Variants in AP5Z1 observed in about 807,000 individuals in gnomAD.
The protein encoded by AP5Z1 is AP-5 complex subunit zeta-1.
AP5Z1 carries 106 observed loss-of-function variants against 83.0 expected under a neutral mutation model. The observed-to-expected ratio is 1.28, with a 90% CI of 1.09 to 1.50. The LOEUF (loss-of-function observed/expected upper bound fraction) is 1.50. Ranked by LOEUF, AP5Z1 falls within the 40% of genes most tolerant of loss-of-function variation. The pLI, the probability that AP5Z1 is intolerant of heterozygous loss-of-function variation, is 0.00. For synonymous variants in AP5Z1, 751 were observed against 514.1 expected (o/e 1.46, Z -6.23); for missense variants, 1,565 against 1,094.2 (o/e 1.43, Z -6.07).
intron 11 of AP5Z1, among the ~76,000 whole-genome samples, 173 bp from the exon 12 acceptor site, chr7:4,787,981 C>T (rs1781608589): frequency 6.6e-6 from 1 of 152,168 alleles, no homozygotes. Context: ...GCCCCTGCAC[C>T]CTGGAGTGCC....
chr7:4,787,014 C>T (rs1251114819), intron 10 of AP5Z1, among the ~76,000 whole-genome samples: 1 of 151,946 alleles, frequency 6.6e-6, no homozygotes, highest in Non-Finnish European at 1.5e-5. Flanking sequence ...TCAGATGATC[C>T]TCCTGCCTTG....
Position 4,790,790 on chromosome 7 carries a change from C to T in AP5Z1, c.2056C>T (p.Pro686Ser), listed in dbSNP as rs1197812448. Residue 686 changes from proline (P) to serine (S), a missense_variant, in exon 16 of 17, where the codon CCC becomes TCC. Coordinates refer to ENST00000649063, the MANE Select transcript of AP5Z1 (RefSeq NM_014855.3). ...GCTATTCGAGGTCACCCAGTGCCGC[C>T]CCTCTGCTGCCCTGCCCAGGTGTCC... ...ALLFEVTQCR[P>S]SAALPRCPPQ... 2 of 1,608,958 alleles carry T rather than the reference C, an allele frequency of 1.2e-6. No individual in the cohort carries two copies. Among genetic ancestry groups the T allele is most frequent in the South Asian group, 1.1e-5 (1 of 90,142 alleles).
intron 10 of AP5Z1, 58 bp from the exon 11 acceptor site, chr7:4,787,576 C>T: frequency 1.3e-6 from 2 of 1,519,296 alleles, no homozygotes; most frequent in Non-Finnish European, 1.8e-6. Context: ...TGGCTCCTCC[C>T]TCTGCCGCCT....
chr7:4,786,858 C>T (rs55682837), intron 10 of AP5Z1, among the ~76,000 whole-genome samples: 2 of 152,252 alleles, frequency 1.3e-5, no homozygotes, highest in Non-Finnish European at 2.9e-5. Flanking sequence ...GCAACCCCCG[C>T]CTCCTGGGTT....
chr7:4,789,125 G>T, intron 13 of AP5Z1, 174 bp downstream of exon 13: 1 of 583,646 alleles, frequency 1.7e-6, no homozygotes, highest in Non-Finnish European at 3.0e-6. Context: ...GGCAGGCCCC[G>T]TCCCTTGTCC....
Position 4,793,172 on chromosome 7 carries a change from G to C in AP5Z1, c.*1787G>C, listed in dbSNP as rs908343870. On this transcript the variant is annotated 3_prime_UTR_variant, in exon 17 of 17. Coordinates refer to ENST00000649063, the MANE Select transcript of AP5Z1 (RefSeq NM_014855.3). Reference sequence around the variant, plus strand: ...GCTCATGGCCACAGGGCCTCGGAGGGCATGACCCCAGCCCAGGGAGGAGCA... The same window carrying C: ...GCTCATGGCCACAGGGCCTCGGAGGCCATGACCCCAGCCCAGGGAGGAGCA... The C allele has an allele frequency of 2.6e-5, 4 of 152,324 alleles. No individual in the cohort carries two copies. Among genetic ancestry groups the C allele is most frequent in the African/African-American group, 9.6e-5 (4 of 41,462 alleles). 9.4% of individuals were successfully genotyped at this position (152,324 alleles called of 1,614,324 possible). A position where few individuals can be genotyped will look rare whatever the true frequency, so the allele number is the denominator to read the frequency against.
rs1583243964 is a variant in AP5Z1, at chr7:4,791,588, C to T, written c.*203C>T. On this transcript the variant is annotated 3_prime_UTR_variant, in exon 17 of 17. Coordinates refer to ENST00000649063, the MANE Select transcript of AP5Z1 (RefSeq NM_014855.3). ...GCTTTGTCTCCGAGCCTTTTGCTCC[C>T]AGGCAACACTGAGCTGAGCTGAGGG... 1.3e-6 allele frequency: 1 copy of T among 749,580 alleles called. No individual in the cohort carries two copies. The highest frequency in any genetic ancestry group is 1.8e-5 in the African/African-American group (1 of 56,706). 46.4% of individuals were successfully genotyped at this position (749,580 alleles called of 1,614,324 possible).
At position 4,789,864 on chromosome 7, in the gene AP5Z1, G is replaced by A. The variant is rs773950276; in HGVS notation, c.1740G>A (p.Ala580=). 11 of 1,552,734 alleles carry A rather than the reference G, an allele frequency of 7.1e-6. No individual in the cohort carries two copies. The East Asian group carries it at 1.2e-4, about 17-fold the overall frequency. Reference sequence around the variant, plus strand: ...ACGGGTCCCTGATCAACCAGCTGGCGCTGCTGCTCCTGGGCAGGAGCGACT... The same window carrying A: ...ACGGGTCCCTGATCAACCAGCTGGCACTGCTGCTCCTGGGCAGGAGCGACT... ...VADGSLINQL[A]LLLLGRSDSL... is the part of the protein sequence containing the mutation. Residue 580 remains alanine (A), a synonymous_variant, in exon 14 of 17, where the codon GCG becomes GCA. Coordinates refer to ENST00000649063, the MANE Select transcript of AP5Z1 (RefSeq NM_014855.3).
rs1562417141 is a variant in AP5Z1, at chr7:4,792,304, C to G, written c.*919C>G. ...CACGCCCCGCCCCCAGGCTCAAACTCTTCCCCCTCCCCACTCTGGCTCCGC... is the reference window on the plus strand; with the variant it reads ...CACGCCCCGCCCCCAGGCTCAAACTGTTCCCCCTCCCCACTCTGGCTCCGC... On this transcript the variant is annotated 3_prime_UTR_variant, in exon 17 of 17. Transcript: ENST00000649063. The G allele has an allele frequency of 6.6e-6, 1 of 151,098 alleles. No homozygotes were observed. The highest frequency in any genetic ancestry group is 2.1e-4 in the South Asian group (1 of 4,790). The allele number at this position is 151,098 out of a possible 1,614,324, so 9.4% of individuals were successfully genotyped here. A position where few individuals can be genotyped will look rare whatever the true frequency, so the allele number is the denominator to read the frequency against.
intron 1 of AP5Z1, among the ~76,000 whole-genome samples, chr7:4,779,617 T>G (rs1300001451): frequency 2.0e-5 from 3 of 151,334 alleles, no homozygotes; most frequent in African/African-American, 7.3e-5. Context: ...GACTACACCA[T>G]GCCCAGTGAA....
At chr7:4,785,706 G>GCTGA in intron 9 of AP5Z1, 22 bp downstream of exon 9, 1 of 1,472,514 alleles carries the variant, frequency 6.8e-7, no homozygotes, top group East Asian at 2.5e-5. Context: ...GTGGGGTGGC[G>GCTGA]CTGACTCGGG....
In AP5Z1 at chr7:4,790,218, G is replaced by A. The variant is rs868046288; in HGVS notation, c.1806-241G>A. On this transcript the variant is annotated intron_variant, in intron 14 of 16. Coordinates refer to ENST00000649063, the MANE Select transcript of AP5Z1 (RefSeq NM_014855.3). ...CTGGGGTCCTTCTCTCCAAAGGCCTGATGCATGCAGGCCCATCCTGGTTCC... is the reference window on the plus strand; with the variant it reads ...CTGGGGTCCTTCTCTCCAAAGGCCTAATGCATGCAGGCCCATCCTGGTTCC... 2.6e-6 allele frequency: 4 copies of A among 1,550,314 alleles called. No homozygotes were observed. In the Admixed American group the frequency reaches 5.6e-5, roughly 22 times the overall value.
intron 12 of AP5Z1, 38 bp from the exon 13 acceptor site, chr7:4,788,802 G>C (rs757877026): frequency 3.3e-6 from 5 of 1,526,812 alleles, no homozygotes; most frequent in Non-Finnish European, 4.4e-6. Context: ...CACCAGGTCG[G>C]GGAGCGGGCA....
At chr7:4,785,275 G>T in intron 7 of AP5Z1, 140 bp from the exon 8 acceptor site, 1 of 1,322,736 alleles carries the variant, frequency 7.6e-7, no homozygotes, top group Non-Finnish European at 1.0e-6. Flanking sequence ...CCTCGCCTCA[G>T]TCCCACTCAA....
Position 4,791,235 on chromosome 7 carries a change from G to C in AP5Z1, c.2274G>C (p.Leu758=), listed in dbSNP as rs965077399. ...RTRATELLTL[L]KMPSVAQFVL... ...GGGCCACAGAGCTGCTGACCCTGCT[G>C]AAGATGCCTAGCGTGGCCCAGTTTG... Residue 758 remains leucine, a synonymous_variant, in exon 17 of 17, where the codon CTG becomes CTC. Coordinates refer to ENST00000649063, the MANE Select transcript of AP5Z1 (RefSeq NM_014855.3). 1.2e-6 allele frequency: 2 copies of C among 1,612,810 alleles called. No homozygotes were observed. The highest frequency in any genetic ancestry group is 1.7e-6 in the Non-Finnish European group (2 of 1,179,868).
chr7:4,775,929 G>T (rs1193622187), intron 1 of AP5Z1, among the ~76,000 whole-genome samples, 173 bp downstream of exon 1: 1 of 152,342 alleles, frequency 6.6e-6, no homozygotes, highest in Admixed American at 6.5e-5. Flanking sequence ...TTGGGGTGAG[G>T]AGGTCGGGGA....
intron 10 of AP5Z1, among the ~76,000 whole-genome samples, chr7:4,786,992 G>A (rs1258552645): frequency 6.6e-6 from 1 of 151,804 alleles, no homozygotes; most frequent in African/African-American, 2.4e-5. Flanking sequence ...GGCTGGTCTC[G>A]AACTCCTGAC....
intron 2 of AP5Z1, 126 bp downstream of exon 2, chr7:4,781,438 G>A (rs971208253): frequency 1.9e-6 from 3 of 1,544,378 alleles, no homozygotes; most frequent in Non-Finnish European, 2.6e-6. Context: ...AACCAGTGCT[G>A]AAGGTCCATC....
In AP5Z1 at chr7:4,791,477, G is replaced by T; in HGVS notation, c.*92G>T. 6.8e-7 allele frequency: 1 copy of T among 1,463,286 alleles called. No individual in the cohort carries two copies. The highest frequency in any genetic ancestry group is 2.5e-5 in the East Asian group (1 of 40,102). 90.6% of individuals were successfully genotyped at this position (1,463,286 alleles called of 1,614,324 possible). On this transcript the variant is annotated 3_prime_UTR_variant, in exon 17 of 17. Coordinates refer to ENST00000649063, the MANE Select transcript of AP5Z1 (RefSeq NM_014855.3). The stretch of plus-strand genomic sequence containing the variant: ...GGCTGATAGGAGCTCAGGAGGGCGC[G>T]GGAGTCCTGGGAGAGGAGGCAAGGC...
Sources: allele counts gnomAD v4.1 joint callset (sites outside exome capture counted in the v4.1 genomes callset), GRCh38; gene constraint gnomAD v4.1.1; transcripts MANE v1.5; gene names NCBI Gene and HGNC (gene_info 2026-07-23, HGNC 2026-07-21).